CNTNAP2: variants seen among roughly 807,000 people sequenced by gnomAD.
The protein encoded by CNTNAP2 is contactin-associated protein-like 2.
A neutral mutation model predicts 155.2 loss-of-function variants in CNTNAP2; 98 were observed. The observed-to-expected ratio is 0.63, with a 90% CI of 0.54 to 0.75. The LOEUF (loss-of-function observed/expected upper bound fraction) is 0.75. Among genes scored for constraint, CNTNAP2 ranks in the 30% least tolerant of loss-of-function variants. The pLI is 0.00. For missense variants in CNTNAP2, 1,727 were observed against 1,688.1 expected (o/e 1.02, Z -0.40); for synonymous variants, 651 against 631.2 (o/e 1.03, Z -0.47).
chr7:147,293,883 ATAT>A (rs1805364184), intron 8 of CNTNAP2, among the ~76,000 whole-genome samples: 1 of 152,222 alleles, frequency 6.6e-6, no homozygotes, highest in Non-Finnish European at 1.5e-5. Flanking sequence ...GTTAGAGAAA[ATAT>A]TATAAAACAA....
chr7:146,435,099 G>A lies in CNTNAP2; in HGVS notation c.97+318126G>A, dbSNP rs115176100. ...GAAATTTCTACTATGAGGGGAATAG[G>A]TGTTACTTTTCAGGATAGTCTCATG... is the stretch of plus-strand genomic sequence containing the variant. On this transcript the variant is annotated intron_variant, in intron 1 of 23. Transcript: ENST00000361727. Among the ~76,000 whole-genome samples, 477 of 152,252 alleles carry A rather than the reference G, an allele frequency of 3.1e-3. 5 individuals are homozygous for A. Among genetic ancestry groups the A allele is most frequent in the African/African-American group, 0.011 (459 of 41,556 alleles).
intron 23 of CNTNAP2, among the ~76,000 whole-genome samples, chr7:148,411,350 C>G (rs1158008831): frequency 6.6e-6 from 1 of 152,208 alleles, no homozygotes; most frequent in Non-Finnish European, 1.5e-5. Flanking sequence ...ACTGCAATCT[C>G]TGCCTCCCGG....
intron 1 of CNTNAP2, among the ~76,000 whole-genome samples, chr7:146,476,583 TG>T (rs1796880177): frequency 6.6e-6 from 1 of 152,198 alleles, no homozygotes; most frequent in African/African-American, 2.4e-5. Context: ...GAAAAATATT[TG>T]TTTTCATGTT....
intron 14 of CNTNAP2, among the ~76,000 whole-genome samples, chr7:147,945,728 G>C (rs1800808495): frequency 6.6e-6 from 1 of 151,296 alleles, no homozygotes; most frequent in Admixed American, 6.6e-5. Flanking sequence ...AACATGCTCA[G>C]ACTCCAGAAG....
chr7:146,531,136 A>G (rs1227730035), intron 1 of CNTNAP2, among the ~76,000 whole-genome samples: 1 of 152,162 alleles, frequency 6.6e-6, no homozygotes, highest in Non-Finnish European at 1.5e-5. Context: ...ACCAAATACC[A>G]CATGTTCTCA....
intron 11 of CNTNAP2, among the ~76,000 whole-genome samples, chr7:147,525,692 G>A (rs545094940): frequency 6.6e-6 from 1 of 152,282 alleles, no homozygotes; most frequent in Admixed American, 6.5e-5. Flanking sequence ...CATAAGAAGG[G>A]AAGATTATGT....
intron 1 of CNTNAP2, among the ~76,000 whole-genome samples, chr7:146,397,620 T>C (rs1194226309): frequency 6.6e-6 from 1 of 152,190 alleles, no homozygotes; most frequent in Non-Finnish European, 1.5e-5. Context: ...TGATCTCTAC[T>C]CCTTATGTTT....
intron 12 of CNTNAP2, among the ~76,000 whole-genome samples, chr7:147,564,134 C>T (rs1207850872): frequency 6.6e-6 from 1 of 152,084 alleles, no homozygotes; most frequent in Non-Finnish European, 1.5e-5. Flanking sequence ...CACACTACTG[C>T]ACTCCAGTCT....
chr7:147,037,791 T>C (rs539517476), intron 3 of CNTNAP2, among the ~76,000 whole-genome samples: 56 of 152,338 alleles, frequency 3.7e-4, no homozygotes, highest in South Asian at 6.2e-4. Flanking sequence ...GATATATACA[T>C]GTTAGACGTT....
intron 1 of CNTNAP2, among the ~76,000 whole-genome samples, chr7:146,652,409 C>T (rs1799930325): frequency 6.6e-6 from 1 of 152,118 alleles, no homozygotes; most frequent in South Asian, 2.1e-4. Context: ...GGGCACATTA[C>T]CAAACTGCTT....
chr7:146,973,750 A>C (rs1462978208), intron 3 of CNTNAP2, among the ~76,000 whole-genome samples: 1 of 152,128 alleles, frequency 6.6e-6, no homozygotes, highest in Non-Finnish European at 1.5e-5. Context: ...ATGGTTAGTA[A>C]ATTTCCTGGT....
At chr7:147,973,006 A>T (rs1042869598) in intron 14 of CNTNAP2, among the ~76,000 whole-genome samples, 1 of 151,996 alleles carries the variant, frequency 6.6e-6, no homozygotes, top group Admixed American at 6.6e-5. Flanking sequence ...AAAAACATTT[A>T]AAACAGTGGG....
At chr7:148,213,018 A>G (rs1335358339) in intron 18 of CNTNAP2, among the ~76,000 whole-genome samples, 2 of 152,166 alleles carry the variant, frequency 1.3e-5, no homozygotes, top group Admixed American at 1.3e-4. Flanking sequence ...AGATTGCTGA[A>G]TCTCCCTTCA....
intron 21 of CNTNAP2, among the ~76,000 whole-genome samples, chr7:148,301,123 G>A (rs578225214): frequency 1.3e-5 from 2 of 151,678 alleles, no homozygotes; most frequent in East Asian, 1.9e-4. Flanking sequence ...GTGAAACCGC[G>A]TCTGTACTAA....
intron 9 of CNTNAP2, among the ~76,000 whole-genome samples, chr7:147,363,955 G>T (rs1796185590): frequency 6.6e-6 from 1 of 152,086 alleles, no homozygotes; most frequent in Non-Finnish European, 1.5e-5. Flanking sequence ...TCAACAGTTG[G>T]CGTATGCTAG....
At chr7:147,989,208 A>G (rs922521868) in intron 15 of CNTNAP2, among the ~76,000 whole-genome samples, 13 of 152,334 alleles carry the variant, frequency 8.5e-5, no homozygotes, top group East Asian at 1.9e-4. Context: ...GCTGCTAGCC[A>G]ACAGGCCACG....
At chr7:146,425,898 A>C (rs1283187048) in intron 1 of CNTNAP2, among the ~76,000 whole-genome samples, 1 of 152,058 alleles carries the variant, frequency 6.6e-6, no homozygotes, top group South Asian at 2.1e-4. Context: ...TAAAAAAACA[A>C]AAAAAGGCTG....
At chr7:146,203,594 CA>C in intron 1 of CNTNAP2, among the ~76,000 whole-genome samples, 1 of 152,238 alleles carries the variant, frequency 6.6e-6, no homozygotes, top group East Asian at 1.9e-4. Context: ...GTTTTCATTA[CA>C]AAGGCATGAT....
At chr7:147,340,955 C>T (rs1795750976) in intron 9 of CNTNAP2, among the ~76,000 whole-genome samples, 1 of 152,042 alleles carries the variant, frequency 6.6e-6, no homozygotes, top group African/African-American at 2.4e-5. Context: ...GCTGCCACCG[C>T]TAGATGCTCC....
Sources: gnomAD v4.1 joint callset for allele counts (sites outside exome capture counted in the v4.1 genomes callset) on GRCh38, gnomAD v4.1.1 for gene constraint, MANE v1.5 for transcripts, NCBI Gene and HGNC (gene_info 2026-07-23, HGNC 2026-07-21) for gene names.